Variants in ZNF438 observed in about 807,000 individuals in gnomAD.
ZNF438 encodes zinc finger protein 438.
ZNF438 carries 25 observed loss-of-function variants against 38.0 expected under a neutral mutation model. That is an observed-to-expected ratio of 0.66 (90% CI 0.48 to 0.92). The LOEUF (loss-of-function observed/expected upper bound fraction) is 0.92, where lower values mean the gene tolerates loss of function less well. Among genes scored for constraint, ZNF438 ranks in the 40% least tolerant of loss-of-function variants. The probability of loss-of-function intolerance (pLI) is 0.00; values close to 1 mark genes in which losing one functional copy is unlikely to be tolerated. For synonymous variants in ZNF438, 372 were observed against 364.1 expected (o/e 1.02, Z -0.25); for missense variants, 1,007 against 999.6 (o/e 1.01, Z -0.10).
chr10:30,959,774 C>T (rs2049272918), intron 1 of ZNF438, among the ~76,000 whole-genome samples: 1 of 146,358 alleles, frequency 6.8e-6, no homozygotes, highest in Non-Finnish European at 1.5e-5. Flanking sequence ...CACACACACA[C>T]ACATACCTGA....
chr10:30,897,869 G>C (rs1000282180), intron 3 of ZNF438, among the ~76,000 whole-genome samples: 3 of 152,144 alleles, frequency 2.0e-5, no homozygotes, highest in African/African-American at 4.8e-5. Flanking sequence ...ACCGCTGACA[G>C]AGATTGTTCA....
At chr10:30,995,875 C>T (rs538731379) in intron 1 of ZNF438, among the ~76,000 whole-genome samples, 1 of 152,140 alleles carries the variant, frequency 6.6e-6, no homozygotes, top group African/African-American at 2.4e-5. Flanking sequence ...ACTTGCTCTC[C>T]CTTGTCTCAG....
intron 1 of ZNF438, among the ~76,000 whole-genome samples, chr10:30,978,240 A>G (rs2051651928): frequency 1.3e-5 from 2 of 152,194 alleles, no homozygotes; most frequent in African/African-American, 4.8e-5. Flanking sequence ...CAGACTAGAC[A>G]GTATATTGAG....
intron 1 of ZNF438, among the ~76,000 whole-genome samples, chr10:30,971,824 G>A (rs888066059): frequency 6.6e-6 from 1 of 151,886 alleles, no homozygotes; most frequent in Non-Finnish European, 1.5e-5. Context: ...AAAACCACTC[G>A]GTGTATTTAA....
chr10:30,901,243 A>G (rs9416936), intron 3 of ZNF438, among the ~76,000 whole-genome samples: 19,955 of 152,250 alleles, frequency 0.13, 1,640 homozygotes, highest in Middle Eastern at 0.25. Context: ...GGAACTCTTC[A>G]GGGATCATAT....
intron 1 of ZNF438, among the ~76,000 whole-genome samples, chr10:31,016,620 G>C (rs2056214252): frequency 6.6e-6 from 1 of 152,174 alleles, no homozygotes; most frequent in African/African-American, 2.4e-5. Context: ...ACTGCCCTCA[G>C]GTGCATGATT....
intron 1 of ZNF438, among the ~76,000 whole-genome samples, chr10:31,001,551 T>TA (rs1254726112): frequency 2.6e-5 from 4 of 152,200 alleles, no homozygotes; most frequent in Non-Finnish European, 4.4e-5. Context: ...TATTGTATCA[T>TA]AAAGATTGTA....
chr10:30,895,364 T>C (rs2041193664), intron 3 of ZNF438, among the ~76,000 whole-genome samples: 1 of 152,236 alleles, frequency 6.6e-6, no homozygotes, highest in Non-Finnish European at 1.5e-5. Context: ...TGTCTTGCAG[T>C]AGTTATTTTA....
chr10:30,992,519 T>A (rs1021739882), intron 1 of ZNF438, among the ~76,000 whole-genome samples: 1 of 152,032 alleles, frequency 6.6e-6, no homozygotes, highest in Admixed American at 6.5e-5. Flanking sequence ...TTCAAGTGAT[T>A]CTCCTGCCTC....
chr10:31,008,804 G>T (rs1409388424), intron 1 of ZNF438, among the ~76,000 whole-genome samples: 1 of 152,204 alleles, frequency 6.6e-6, no homozygotes, highest in Non-Finnish European at 1.5e-5. Flanking sequence ...GAGTGAAACT[G>T]CTAGGTAACA....
chr10:30,894,783 T>C (rs971371221), intron 3 of ZNF438, among the ~76,000 whole-genome samples: 1 of 152,204 alleles, frequency 6.6e-6, no homozygotes, highest in Non-Finnish European at 1.5e-5. Flanking sequence ...ATTCAAGCAC[T>C]GGTTCATACA....
At chr10:30,856,529 C>T (rs566558901) in intron 4 of ZNF438, among the ~76,000 whole-genome samples, 20 of 152,198 alleles carry the variant, frequency 1.3e-4, no homozygotes, top group African/African-American at 4.8e-4. Flanking sequence ...TGGTTTATTC[C>T]ACTACACATT....
intron 2 of ZNF438, among the ~76,000 whole-genome samples, chr10:30,930,894 T>G (rs185525521): frequency 9.3e-5 from 14 of 151,070 alleles, no homozygotes; most frequent in African/African-American, 3.2e-4. Flanking sequence ...ATACCATTTT[T>G]AATGGTTTGA....
intron 1 of ZNF438, among the ~76,000 whole-genome samples, chr10:30,963,753 C>T (rs556849672): frequency 1.5e-4 from 23 of 152,088 alleles, no homozygotes; most frequent in Non-Finnish European, 2.1e-4. Flanking sequence ...CGGTGGCAGG[C>T]GCCTGTAATC....
At position 30,904,821 on chromosome 10, in the gene ZNF438, G is replaced by A. The variant is rs554991856; in HGVS notation, c.-32+4112C>T. Among the ~76,000 whole-genome samples the A allele has an allele frequency of 7.9e-5, 12 of 152,096 alleles. No homozygotes were observed. In the East Asian group the frequency reaches 9.7e-4, roughly 12 times the overall value. On this transcript the variant is annotated intron_variant, in intron 3 of 5. Transcript: ENST00000413025. ...TATGCCCTTTTTGCCTAGATAACTCGGATTCATCCTTTGGATCGCAAAGGA... is the reference window on the plus strand; with the variant it reads ...TATGCCCTTTTTGCCTAGATAACTCAGATTCATCCTTTGGATCGCAAAGGA...
chr10:30,951,399 G>T (rs2048177050), intron 1 of ZNF438, among the ~76,000 whole-genome samples: 1 of 150,908 alleles, frequency 6.6e-6, no homozygotes, highest in Non-Finnish European at 1.5e-5. Context: ...TTCTGGCCAG[G>T]GCAATTAGGC....
Position 30,853,588 on chromosome 10 carries a change from G to C in ZNF438, c.38-3221C>G, listed in dbSNP as rs147881621. On this transcript the variant is annotated intron_variant, in intron 4 of 5. Transcript: ENST00000413025. The stretch of plus-strand genomic sequence containing the variant: ...TACTTGCTGCATCGTTTCCTTCAAG[G>C]TTTTGCACAAATGGCTTCTTCTCAA... Among the ~76,000 whole-genome samples the C allele has an allele frequency of 3.7e-3, 567 of 152,282 alleles. 3 individuals are homozygous for C. Among genetic ancestry groups the C allele is most frequent in the Middle Eastern group, 0.017 (5 of 294 alleles).
chr10:30,971,822 T>C lies in ZNF438; in HGVS notation c.-191-30171A>G, dbSNP rs74318169. On this transcript the variant is annotated intron_variant, in intron 1 of 5. Transcript: ENST00000413025. ...CAATTTTATTAGGTTTTAAAACCAC[T>C]CGGTGTATTTAATCAAGGTGCAAAG... Among the ~76,000 whole-genome samples the C allele has an allele frequency of 4.0e-3, 614 of 152,306 alleles. 7 individuals are homozygous for C. The highest frequency in any genetic ancestry group is 0.014 in the African/African-American group (577 of 41,554).
intron 1 of ZNF438, among the ~76,000 whole-genome samples, chr10:30,952,043 CA>C (rs1443243212): frequency 5.3e-5 from 8 of 149,594 alleles, no homozygotes; most frequent in African/African-American, 1.7e-4. Context: ...GTACTGGTAC[CA>C]AAACAGAGAT....
Sources: allele counts gnomAD v4.1 joint callset (sites outside exome capture counted in the v4.1 genomes callset), GRCh38; gene constraint gnomAD v4.1.1; transcripts MANE v1.5; gene names NCBI Gene and HGNC (gene_info 2026-07-23, HGNC 2026-07-21).